Variants in TNRC6A observed in about 807,000 individuals in gnomAD.
TNRC6A encodes trinucleotide repeat-containing gene 6A protein.
TNRC6A carries 44 observed loss-of-function variants against 221.2 expected under a neutral mutation model. The observed-to-expected ratio is 0.20, with a 90% CI of 0.16 to 0.26. The LOEUF is 0.26. Among genes scored for constraint, TNRC6A ranks in the 10% least tolerant of loss-of-function variants. The pLI, the probability that TNRC6A is intolerant of heterozygous loss-of-function variation, is 1.00. For missense variants in TNRC6A, 2,199 were observed against 2,404.4 expected (o/e 0.91, Z 1.79); for synonymous variants, 847 against 838.5 (o/e 1.01, Z -0.18).
Position 24,793,459 on chromosome 16 carries a change from C to T in TNRC6A, c.3176-14C>T, listed in dbSNP as rs770720129. ...CTTCTATGCTGATGACTTCTTTTCC[C>T]ACACTTTCTAAAGGCTGGGGTGAGC... On this transcript the variant is annotated splice_polypyrimidine_tract_variant and intron_variant, in intron 6 of 24. Transcript: ENST00000395799. 29 of 1,396,690 alleles carry T rather than the reference C, an allele frequency of 2.1e-5. No homozygotes were observed. Among genetic ancestry groups the T allele is most frequent in the Non-Finnish European group, 2.7e-5 (29 of 1,064,322 alleles). The allele number at this position is 1,396,690 out of a possible 1,614,324, so 86.5% of individuals were successfully genotyped here. A position where few individuals can be genotyped will look rare whatever the true frequency, so the allele number is the denominator to read the frequency against.
intron 2 of TNRC6A, among the ~76,000 whole-genome samples, chr16:24,666,664 AAAAAATAT>A (rs1198925717): frequency 2.8e-3 from 301 of 106,074 alleles, no homozygotes; most frequent in African/African-American, 0.012. Flanking sequence ...AAAAAAAAAA[AAAAAATAT>A]ATATATATAT....
intron 1 of TNRC6A, among the ~76,000 whole-genome samples, chr16:24,625,479 A>T (rs1032890938): frequency 2.6e-5 from 4 of 152,010 alleles, no homozygotes; most frequent in Non-Finnish European, 4.4e-5. Flanking sequence ...CGATCCCAGC[A>T]CTTTGGGAGG....
At chr16:24,643,060 C>CATATATATTAT (rs1284350873) in intron 2 of TNRC6A, among the ~76,000 whole-genome samples, 4 of 127,332 alleles carry the variant, frequency 3.1e-5, no homozygotes, top group African/African-American at 1.1e-4. Flanking sequence ...ATATATATAA[C>CATATATATTAT]ATATATATTA....
intron 1 of TNRC6A, among the ~76,000 whole-genome samples, chr16:24,635,469 G>A (rs1901591535): frequency 6.6e-6 from 1 of 151,972 alleles, no homozygotes; most frequent in African/African-American, 2.4e-5. Context: ...TTTTAGTACA[G>A]ACAGGGTTTC....
intron 2 of TNRC6A, among the ~76,000 whole-genome samples, chr16:24,747,909 T>C (rs904171791): frequency 2.0e-5 from 3 of 152,142 alleles, no homozygotes; most frequent in Non-Finnish European, 4.4e-5. Context: ...ATAGAGACCA[T>C]TACATGGAGT....
chr16:24,668,408 T>C (rs1425821113), intron 2 of TNRC6A, among the ~76,000 whole-genome samples: 2 of 152,012 alleles, frequency 1.3e-5, no homozygotes, highest in African/African-American at 4.8e-5. Flanking sequence ...TATATGTATA[T>C]GTATATTTCA....
intron 10 of TNRC6A, 86 bp downstream of exon 10, chr16:24,797,656 TC>T: frequency 8.3e-7 from 1 of 1,198,444 alleles, no homozygotes; most frequent in Non-Finnish European, 1.2e-6. Context: ...GAATTATTTT[TC>T]ATCTTCGAGT....
chr16:24,741,457 C>G (rs2056891216), intron 2 of TNRC6A, among the ~76,000 whole-genome samples: 1 of 152,248 alleles, frequency 6.6e-6, no homozygotes, highest in East Asian at 1.9e-4. Flanking sequence ...TTAAACCACC[C>G]TTGCATATCT....
Position 24,790,565 on chromosome 16 carries a change from G to C in TNRC6A, c.1923G>C (p.Trp641Cys), listed in dbSNP as rs754075916. 6.2e-7 allele frequency: 1 copy of C among 1,614,196 alleles called. No homozygotes were observed. ...NGNGKTFTNG[W>C]KSTEEEDQGS... ...ATGGTAAGACGTTTACAAATGGATG[G>C]AAATCTACTGAGGAAGAGGATCAGG... The change falls in exon 6 of 25, where the codon TGG becomes TGC. Residue 641 changes from tryptophan (W) to cysteine (C), a missense_variant. Around this residue, in one of 8 missense-constraint regions of TNRC6A, gnomAD observed 1,405 missense variants for 1,400.2 expected, o/e 1.00. Transcript: ENST00000395799.
chr16:24,730,025 T>TCGCTG (rs1205282819), intron 1 of TNRC6A, among the ~76,000 whole-genome samples, 179 bp downstream of exon 1: 5 of 147,284 alleles, frequency 3.4e-5, no homozygotes, highest in African/African-American at 9.8e-5. Context: ...CGGGGGAGCC[T>TCGCTG]CGCTGCGCCG....
At chr16:24,634,297 G>A (rs998670194) in intron 1 of TNRC6A, among the ~76,000 whole-genome samples, 4 of 152,064 alleles carry the variant, frequency 2.6e-5, no homozygotes, top group African/African-American at 7.2e-5. Flanking sequence ...AGGCATGGTG[G>A]TGCATGCCCG....
At chr16:24,636,242 A>G (rs1901630938) in intron 1 of TNRC6A, among the ~76,000 whole-genome samples, 1 of 152,250 alleles carries the variant, frequency 6.6e-6, no homozygotes, top group Non-Finnish European at 1.5e-5. Context: ...ACCTATTGGA[A>G]TGATTTAACA....
chr16:24,690,020 AAAAAAAAT>A (rs2055722868), intron 2 of TNRC6A, among the ~76,000 whole-genome samples: 3 of 63,042 alleles, frequency 4.8e-5, no homozygotes, highest in African/African-American at 1.2e-4. Flanking sequence ...AAAAAAAAAA[AAAAAAAAT>A]TTTTTTTTTT....
rs570907953 is a variant in TNRC6A, at chr16:24,672,261, A to G, written n.402+31252A>G. Among the ~76,000 whole-genome samples, 57 of 151,700 alleles carry G rather than the reference A, an allele frequency of 3.8e-4. 2 individuals carry two copies. The South Asian group carries it at 0.011, about 30-fold the overall frequency. ...CTCAGCCTCCCCAGCAGCTGGGACT[A>G]CAGGCGCACGCCGCCACGCCTGGCT... On this transcript the variant is annotated intron_variant and non_coding_transcript_variant, in intron 2 of 2. Coordinates refer to the TNRC6A transcript ENST00000566108.
chr16:24,646,883 G>A (rs1902320130), intron 2 of TNRC6A, among the ~76,000 whole-genome samples: 1 of 151,984 alleles, frequency 6.6e-6, no homozygotes, highest in African/African-American at 2.4e-5. Context: ...TTGTTTGGTG[G>A]CTTAATTGCA....
chr16:24,633,656 G>A (rs1901467272), intron 1 of TNRC6A, among the ~76,000 whole-genome samples: 1 of 152,136 alleles, frequency 6.6e-6, no homozygotes, highest in Non-Finnish European at 1.5e-5. Flanking sequence ...GCTTCCCAAA[G>A]TGCTGGGATT....
chr16:24,657,783 G>T (rs1265342710), intron 2 of TNRC6A, among the ~76,000 whole-genome samples: 1 of 150,792 alleles, frequency 6.6e-6, no homozygotes, highest in African/African-American at 2.4e-5. Flanking sequence ...AGCTGTAAGA[G>T]AATATTTTGT....
At chr16:24,640,091 A>G (rs1901859563) in intron 1 of TNRC6A, among the ~76,000 whole-genome samples, 6 of 152,186 alleles carry the variant, frequency 3.9e-5, no homozygotes, top group Admixed American at 3.9e-4. Flanking sequence ...GGAGTCTTGA[A>G]TAAAAGTACA....
chr16:24,739,477 A>ATT (rs2056845009), intron 2 of TNRC6A, among the ~76,000 whole-genome samples: 4 of 90,024 alleles, frequency 4.4e-5, no homozygotes, highest in African/African-American at 1.2e-4. Flanking sequence ...TTTTCCTTTC[A>ATT]CTTTTTTTTT....
Sources: gnomAD v4.1 joint callset for allele counts (sites outside exome capture counted in the v4.1 genomes callset) on GRCh38, gnomAD v4.1.1 for gene constraint, gnomAD v4.1.1 regional missense constraint, MANE v1.5 for transcripts, NCBI Gene and HGNC (gene_info 2026-07-23, HGNC 2026-07-21) for gene names.